SPOCK1: variants seen among roughly 807,000 people sequenced by gnomAD.
The protein encoded by SPOCK1 is testican-1.
Under a neutral mutation model 55.3 loss-of-function variants are expected in SPOCK1, and 23 were observed. The observed-to-expected ratio is 0.42, with a 90% CI of 0.30 to 0.59. SPOCK1 has a LOEUF of 0.59. SPOCK1 is among the 20% of genes least tolerant of loss of function. SPOCK1 has a pLI of 0.22. For synonymous variants in SPOCK1, 226 were observed against 221.0 expected, an observed-to-expected ratio of 1.02 and a Z score of -0.20; for missense variants, 499 against 552.5, an observed-to-expected ratio of 0.90 and a Z score of 0.97.
intron 2 of SPOCK1, among the ~76,000 whole-genome samples, chr5:137,366,617 A>G (rs1751072600): frequency 4.6e-5 from 7 of 152,230 alleles, no homozygotes; most frequent in Admixed American, 4.6e-4. Flanking sequence ...GTGTAGGACT[A>G]CATTCAGGTG....
Position 137,307,100 on chromosome 5 carries a change from A to C in SPOCK1, c.187-40045T>G, listed in dbSNP as rs147568104. 2.5e-3 allele frequency among the ~76,000 whole-genome samples: 379 copies of C among 152,370 alleles called. 2 individuals are homozygous for C. Among genetic ancestry groups the C allele is most frequent in the African/African-American group, 8.7e-3 (361 of 41,592 alleles). ...TTGAGCCTCAATGCTCTTGCCTGTA[A>C]AATGAGGATTGTTTATATGGTAGTG... On this transcript the variant is annotated intron_variant, in intron 2 of 10. Transcript: ENST00000394945.
intron 2 of SPOCK1, among the ~76,000 whole-genome samples, chr5:137,370,196 G>A (rs907497219): frequency 9.9e-5 from 15 of 152,090 alleles, no homozygotes; most frequent in African/African-American, 2.9e-4. Context: ...TACCTCTGCC[G>A]AGCCAGAGCA....
At chr5:137,378,638 C>A (rs548352497) in intron 2 of SPOCK1, among the ~76,000 whole-genome samples, 153 of 152,322 alleles carry the variant, frequency 1.0e-3, no homozygotes, top group Middle Eastern at 3.4e-3. Context: ...TCTTTTTGAG[C>A]AAATCAGCTG....
intron 2 of SPOCK1, among the ~76,000 whole-genome samples, chr5:137,390,108 G>T (rs13436771): frequency 0.13 from 19,800 of 152,050 alleles, 3,343 homozygotes; most frequent in African/African-American, 0.4. Flanking sequence ...AGGAAATCCT[G>T]TCTCCTCTTC....
intron 3 of SPOCK1, among the ~76,000 whole-genome samples, chr5:137,235,177 A>C (rs1756153499): frequency 6.6e-6 from 1 of 152,184 alleles, no homozygotes; most frequent in Admixed American, 6.5e-5. Context: ...TCTTTGATGT[A>C]GGATGTTGTA....
intron 6 of SPOCK1, among the ~76,000 whole-genome samples, chr5:137,018,898 A>G (rs964794303): frequency 2.0e-5 from 3 of 152,348 alleles, no homozygotes; most frequent in Non-Finnish European, 2.9e-5. Flanking sequence ...GTTCTTTCAA[A>G]TCAATAGCAA....
rs557722784 is a variant in SPOCK1, at chr5:137,303,469, C to A, written c.187-36414G>T. Among the ~76,000 whole-genome samples the A allele has an allele frequency of 1.1e-4, 17 of 152,292 alleles. No homozygotes were observed. The South Asian group carries it at 3.5e-3, about 32-fold the overall frequency. On this transcript the variant is annotated intron_variant, in intron 2 of 10. Transcript: ENST00000394945. ...TAAGTAATCTTCACACATAGACACA[C>A]AGATTTTAAGTGGCAGAACCAGGAT...
intron 5 of SPOCK1, among the ~76,000 whole-genome samples, chr5:137,109,738 CT>C (rs1338178583): frequency 1.3e-5 from 2 of 152,140 alleles, no homozygotes; most frequent in African/African-American, 4.8e-5. Flanking sequence ...CTGGCCCATG[CT>C]ATTTTCTCTA....
chr5:137,001,429 T>A (rs1418211419), intron 6 of SPOCK1, among the ~76,000 whole-genome samples: 1 of 152,206 alleles, frequency 6.6e-6, no homozygotes, highest in Admixed American at 6.5e-5. Context: ...GTGGATGATA[T>A]CTCCCAGGTC....
chr5:137,131,667 C>A (rs1449756618), intron 4 of SPOCK1, among the ~76,000 whole-genome samples: 1 of 149,068 alleles, frequency 6.7e-6, no homozygotes, highest in East Asian at 2.0e-4. Context: ...CTCTGGTCTA[C>A]CTGAATACTA....
At chr5:137,463,859 A>T (rs1753545100) in intron 2 of SPOCK1, among the ~76,000 whole-genome samples, 2 of 152,190 alleles carry the variant, frequency 1.3e-5, no homozygotes, top group Non-Finnish European at 2.9e-5. Context: ...GAGGCAAGAG[A>T]ATCACTTGAA....
chr5:137,421,818 G>C (rs564005249), intron 2 of SPOCK1, among the ~76,000 whole-genome samples: 42 of 152,286 alleles, frequency 2.8e-4, no homozygotes, highest in Non-Finnish European at 5.1e-4. Context: ...ATATTGTTAT[G>C]TGTGAATTTG....
intron 6 of SPOCK1, among the ~76,000 whole-genome samples, chr5:137,030,774 A>C (rs1265400775): frequency 2.0e-5 from 3 of 152,198 alleles, no homozygotes; most frequent in Non-Finnish European, 4.4e-5. Context: ...ATGTGGACAA[A>C]CGCCTATCTG....
intron 3 of SPOCK1, among the ~76,000 whole-genome samples, chr5:137,227,030 G>A (rs4976345): frequency 0.17 from 25,799 of 152,114 alleles, 2,463 homozygotes; most frequent in South Asian, 0.27. Context: ...TCTGCAAAAT[G>A]AGGAATTTTG....
chr5:137,179,418 C>G (rs1009197087), intron 3 of SPOCK1, among the ~76,000 whole-genome samples: 2 of 152,180 alleles, frequency 1.3e-5, no homozygotes, highest in Non-Finnish European at 2.9e-5. Context: ...AGCTGTCACA[C>G]AGGGTGAATT....
intron 3 of SPOCK1, among the ~76,000 whole-genome samples, chr5:137,226,596 A>C (rs1755951608): frequency 6.6e-6 from 1 of 152,174 alleles, no homozygotes; most frequent in African/African-American, 2.4e-5. Flanking sequence ...GATGAGGCCC[A>C]TATGACCAGA....
At chr5:137,319,716 C>A (rs1217842497) in intron 2 of SPOCK1, among the ~76,000 whole-genome samples, 4 of 151,954 alleles carry the variant, frequency 2.6e-5, no homozygotes, top group Admixed American at 6.5e-5. Flanking sequence ...GAGGCCGAGG[C>A]GGGTGGATCA....
chr5:137,229,113 T>C (rs1360810896), intron 3 of SPOCK1, among the ~76,000 whole-genome samples: 2 of 152,138 alleles, frequency 1.3e-5, no homozygotes, highest in African/African-American at 2.4e-5. Flanking sequence ...AGACATACAA[T>C]GGGAATCTTC....
intron 3 of SPOCK1, among the ~76,000 whole-genome samples, chr5:137,189,230 A>G (rs980143201): frequency 1.2e-4 from 18 of 152,264 alleles, no homozygotes; most frequent in Admixed American, 1.0e-3. Flanking sequence ...CAGATTTTCA[A>G]TGCAGGCAAA....
Sources: gnomAD v4.1 joint callset for allele counts (sites outside exome capture counted in the v4.1 genomes callset) on GRCh38, gnomAD v4.1.1 for gene constraint, MANE v1.5 for transcripts, NCBI Gene and HGNC (gene_info 2026-07-23, HGNC 2026-07-21) for gene names.